The following UBL3 variants were observed in gnomAD, a reference collection of about 807,000 sequenced individuals.
The protein encoded by UBL3 is ubiquitin-like protein 3.
In UBL3, 6 loss-of-function variants were observed where a neutral mutation model predicts 18.4. That is an observed-to-expected ratio of 0.33 (90% CI 0.18 to 0.64). UBL3 has a LOEUF of 0.64. UBL3 is among the 30% of genes least tolerant of loss of function. The probability of loss-of-function intolerance (pLI) is 0.76; values close to 1 mark genes in which losing one functional copy is unlikely to be tolerated. For missense variants in UBL3, 109 were observed against 142.9 expected, an observed-to-expected ratio of 0.76 and a Z score of 1.21; for synonymous variants, 49 against 46.6, an observed-to-expected ratio of 1.05 and a Z score of -0.21.
intron 1 of UBL3, among the ~76,000 whole-genome samples, chr13:29,783,459 C>T (rs1023308562): frequency 2.6e-5 from 4 of 152,100 alleles, no homozygotes; most frequent in African/African-American, 7.2e-5. Context: ...TACCTTAGGA[C>T]TGTAAGAAAG....
chr13:29,847,475 G>C (rs1057383715), intron 1 of UBL3, among the ~76,000 whole-genome samples: 20 of 152,116 alleles, frequency 1.3e-4, no homozygotes, highest in Non-Finnish European at 2.6e-4. Flanking sequence ...ATAAAACCCT[G>C]CTCCTACTTC....
chr13:29,808,629 C>A (rs1877956974), intron 1 of UBL3, among the ~76,000 whole-genome samples: 1 of 152,096 alleles, frequency 6.6e-6, no homozygotes, highest in African/African-American at 2.4e-5. Context: ...GATACCCACA[C>A]CACCCTCATT....
chr13:29,765,875 T>C lies in UBL3; in HGVS notation c.*1380A>G, dbSNP rs1167442488. On this transcript the variant is annotated 3_prime_UTR_variant, in exon 5 of 5. Coordinates refer to ENST00000380680, the MANE Select transcript of UBL3 (RefSeq NM_007106.4). Reference sequence around the variant, plus strand: ...TTACATTTAATGTTTGTAAGGGCTGTTGACACTTAGTACAGAATGTAATGT... The same window carrying C: ...TTACATTTAATGTTTGTAAGGGCTGCTGACACTTAGTACAGAATGTAATGT... 1 of 14,028 alleles carries C rather than the reference T, an allele frequency of 7.1e-5. No individual in the cohort carries two copies. The highest frequency in any genetic ancestry group is 3.2e-4 in the Non-Finnish European group (1 of 3,144). The allele number at this position is 14,028 out of a possible 1,614,324, so 0.9% of individuals were successfully genotyped here.
intron 1 of UBL3, among the ~76,000 whole-genome samples, chr13:29,784,700 A>G (rs1289149967): frequency 6.6e-6 from 1 of 152,174 alleles, no homozygotes; most frequent in Non-Finnish European, 1.5e-5. Flanking sequence ...CTGGAAGGGG[A>G]GACAGGAAGG....
chr13:29,808,677 T>C lies in UBL3; in HGVS notation c.28-31414A>G, dbSNP rs746602645. Among the ~76,000 whole-genome samples, 174 of 152,296 alleles carry C rather than the reference T, an allele frequency of 1.1e-3. 1 individual carries two copies. Among genetic ancestry groups the C allele is most frequent in the Middle Eastern group, 3.4e-3 (1 of 294 alleles). On this transcript the variant is annotated intron_variant, in intron 1 of 4. Coordinates refer to ENST00000380680, the MANE Select transcript of UBL3 (RefSeq NM_007106.4). ...AAATGACTTACCTCCCAAAGTCACA[T>C]GCCTAGTAGCAAGACCAATGCTTAC...
At chr13:29,843,711 C>T (rs1879162510) in intron 1 of UBL3, among the ~76,000 whole-genome samples, 1 of 152,146 alleles carries the variant, frequency 6.6e-6, no homozygotes, top group Non-Finnish European at 1.5e-5. Context: ...GGTCCAAAGT[C>T]AATTAAAATT....
chr13:29,776,851 C>T (rs1235198214), intron 2 of UBL3, among the ~76,000 whole-genome samples: 2 of 111,472 alleles, frequency 1.8e-5, no homozygotes, highest in Non-Finnish European at 3.3e-5. Flanking sequence ...AGCCTGGCGA[C>T]ATAGCGAGAC....
intron 1 of UBL3, among the ~76,000 whole-genome samples, chr13:29,827,597 G>A (rs1183413137): frequency 1.3e-5 from 2 of 152,150 alleles, no homozygotes; most frequent in African/African-American, 4.8e-5. Context: ...TGGGTTTCCT[G>A]AATACAGCAC....
rs1429751059 is a variant in UBL3 at position 29,849,738 on chromosome 13, G to C, written c.-200C>G. Reference sequence around the variant, plus strand: ...CGAAGAGGAACAATCCCCAGGAGCTGTGTGGCCGGAGCAGGAGGAAACTCC... The same window carrying C: ...CGAAGAGGAACAATCCCCAGGAGCTCTGTGGCCGGAGCAGGAGGAAACTCC... On this transcript the variant is annotated 5_prime_UTR_variant, in exon 1 of 5. Coordinates refer to ENST00000380680, the MANE Select transcript of UBL3 (RefSeq NM_007106.4). 1.9e-5 allele frequency: 13 copies of C among 670,954 alleles called. No homozygotes were observed. Among genetic ancestry groups the C allele is most frequent in the Admixed American group, 1.6e-4 (6 of 36,804 alleles). The allele number at this position is 670,954 out of a possible 1,614,324, so 41.6% of individuals were successfully genotyped here.
intron 3 of UBL3, 56 bp downstream of exon 3, chr13:29,772,056 G>C: frequency 7.0e-7 from 1 of 1,427,196 alleles, no homozygotes; most frequent in Non-Finnish European, 9.7e-7. Flanking sequence ...TTTAAAACAA[G>C]CGAATCATGC....
intron 2 of UBL3, among the ~76,000 whole-genome samples, chr13:29,775,377 C>T (rs897779316): frequency 6.6e-6 from 1 of 152,156 alleles, no homozygotes; most frequent in African/African-American, 2.4e-5. Flanking sequence ...TTATCTTCCT[C>T]TAGAAAAGCT....
At chr13:29,792,994 T>C (rs1399512423) in intron 1 of UBL3, among the ~76,000 whole-genome samples, 1 of 152,224 alleles carries the variant, frequency 6.6e-6, no homozygotes, top group Non-Finnish European at 1.5e-5. Context: ...ACTATGTTTG[T>C]TTTAAAAAGC....
At chr13:29,784,957 G>A (rs1377051443) in intron 1 of UBL3, among the ~76,000 whole-genome samples, 1 of 152,194 alleles carries the variant, frequency 6.6e-6, no homozygotes, top group Non-Finnish European at 1.5e-5. Flanking sequence ...CCAGGCTGGA[G>A]TGCAGTGGCG....
rs57272367 is a variant in UBL3, at chr13:29,816,754, CAAAAAAAAA to C, written c.27+32749_27+32757del. Among the ~76,000 whole-genome samples the C allele has an allele frequency of 4.2e-3, 178 of 42,628 alleles. 2 individuals carry two copies. Among genetic ancestry groups the C allele is most frequent in the African/African-American group, 0.01 (152 of 15,026 alleles). 28.0% of individuals were successfully genotyped at this position (42,628 alleles called of 152,430 possible). A position where few individuals can be genotyped will look rare whatever the true frequency, so the allele number is the denominator to read the frequency against. ...TGGGTGACTGAGCAAGACCCTGTCT[CAAAAAAAAA>C]AAAAAAAAAAAAAAAAAAAGGAACA... On this transcript the variant is annotated intron_variant, in intron 1 of 4. Transcript: ENST00000380680.
intron 1 of UBL3, among the ~76,000 whole-genome samples, chr13:29,803,314 G>GTACATACTAAAA (rs1382144493): frequency 6.6e-6 from 1 of 151,846 alleles, no homozygotes; most frequent in East Asian, 1.9e-4. Flanking sequence ...GAAACACACA[G>GTACATACTAAAA]AAGTACATAC....
chr13:29,847,697 C>T (rs1418764207), intron 1 of UBL3, among the ~76,000 whole-genome samples: 1 of 152,162 alleles, frequency 6.6e-6, no homozygotes, highest in Non-Finnish European at 1.5e-5. Flanking sequence ...ACCTATTTTG[C>T]ACTGTGCTTG....
chr13:29,830,932 A>C (rs979729627), intron 1 of UBL3, among the ~76,000 whole-genome samples: 5 of 152,222 alleles, frequency 3.3e-5, no homozygotes, highest in African/African-American at 1.2e-4. Context: ...TCACCAAATT[A>C]TACAATATTC....
intron 1 of UBL3, among the ~76,000 whole-genome samples, chr13:29,826,154 TC>T (rs1878613420): frequency 1.3e-5 from 2 of 152,150 alleles, no homozygotes. Flanking sequence ...GGTCTAAAAT[TC>T]TCCTTTTTTG....
At chr13:29,808,617 T>C (rs1471186159) in intron 1 of UBL3, among the ~76,000 whole-genome samples, 1 of 152,150 alleles carries the variant, frequency 6.6e-6, no homozygotes. Flanking sequence ...ATTAATTCTA[T>C]GGATACCCAC....
Sources: gnomAD v4.1 joint callset for allele counts (sites outside exome capture counted in the v4.1 genomes callset) on GRCh38, gnomAD v4.1.1 for gene constraint, MANE v1.5 for transcripts, NCBI Gene and HGNC (gene_info 2026-07-23, HGNC 2026-07-21) for gene names.